Variants in CFAP96 observed in about 807,000 individuals in gnomAD.
CFAP96 encodes the protein cilia and flagella associated protein 96.
chr4:185,443,342 A>ATATATATTTTT, the CFAP96 span, among the ~76,000 whole-genome samples: 530 of 26,710 alleles, frequency 0.02, 42 homozygotes, highest in Non-Finnish European at 0.03. Flanking sequence ...ATATATATAT[A>ATATATATTTTT]TTTTTTTTTT....
the CFAP96 span, among the ~76,000 whole-genome samples, chr4:185,438,312 T>C: frequency 2.6e-4 from 40 of 152,154 alleles, 1 homozygote; most frequent in Non-Finnish European, 5.9e-5. Context: ...TTTTGGTTAG[T>C]TTTTATTGCT....
chr4:185,437,089 C>T, the CFAP96 span, among the ~76,000 whole-genome samples: 1 of 152,098 alleles, frequency 6.6e-6, no homozygotes, highest in African/African-American at 2.4e-5. Context: ...ATCAAGAAGC[C>T]ATTATGATGA....
chr4:185,434,064 C>T, the CFAP96 span, among the ~76,000 whole-genome samples: 2 of 151,684 alleles, frequency 1.3e-5, no homozygotes, highest in East Asian at 3.9e-4. Context: ...ACAAAATATA[C>T]AAAAATTAAG....
At chr4:185,432,072 C>T in the CFAP96 span, 3 of 1,551,518 alleles carry the variant, frequency 1.9e-6, no homozygotes, top group Non-Finnish European at 2.6e-6. Context: ...TATTTTGATC[C>T]CCATTTTGTA....
At chr4:185,440,455 A>G in the CFAP96 span, 1 of 816,002 alleles carries the variant, frequency 1.2e-6, no homozygotes, top group Non-Finnish European at 1.9e-6. Flanking sequence ...AATCATATTT[A>G]TATTAAAATG....
the CFAP96 span, among the ~76,000 whole-genome samples, chr4:185,427,932 C>T: frequency 1.4e-5 from 2 of 139,320 alleles, no homozygotes; most frequent in Admixed American, 7.2e-5. Flanking sequence ...CTAAAAAATA[C>T]AAAGTTAGCT....
At chr4:185,424,110 T>C in the CFAP96 span, among the ~76,000 whole-genome samples, 1 of 147,748 alleles carries the variant, frequency 6.8e-6, no homozygotes, top group Non-Finnish European at 1.5e-5. Flanking sequence ...GAGACCAGAC[T>C]GGGCAACATA....
the CFAP96 span, among the ~76,000 whole-genome samples, chr4:185,447,339 G>C: frequency 1.3e-5 from 2 of 151,692 alleles, no homozygotes; most frequent in Non-Finnish European, 2.9e-5. Flanking sequence ...CCGCCACCAC[G>C]CCCGGCTAAT....
the CFAP96 span, among the ~76,000 whole-genome samples, chr4:185,431,529 G>A: frequency 1.3e-5 from 2 of 152,154 alleles, no homozygotes; most frequent in Non-Finnish European, 2.9e-5. Flanking sequence ...GTCTTTTAGT[G>A]GCCATAGACA....
At chr4:185,425,665 G>A in the CFAP96 span, among the ~76,000 whole-genome samples, 1 of 152,232 alleles carries the variant, frequency 6.6e-6, no homozygotes, top group South Asian at 2.1e-4. Flanking sequence ...CCGAGGCGGG[G>A]TGCACACTTG....
the CFAP96 span, among the ~76,000 whole-genome samples, chr4:185,417,760 C>T: frequency 6.6e-6 from 1 of 151,938 alleles, no homozygotes; most frequent in African/African-American, 2.4e-5. Flanking sequence ...ATCAACAGAA[C>T]CAGCCGGGCG....
At chr4:185,414,597 T>A in the CFAP96 span, among the ~76,000 whole-genome samples, 7 of 152,176 alleles carry the variant, frequency 4.6e-5, no homozygotes, top group Non-Finnish European at 7.4e-5. Flanking sequence ...ACGGTCTAAT[T>A]TGATAGGTTC....
At chr4:185,409,165 G>A in the CFAP96 span, among the ~76,000 whole-genome samples, 1 of 152,012 alleles carries the variant, frequency 6.6e-6, no homozygotes, top group Non-Finnish European at 1.5e-5. Context: ...AACAAATGAA[G>A]GGTCCATATC....
chr4:185,449,637 C>G, the CFAP96 span: 1 of 1,537,504 alleles, frequency 6.5e-7, no homozygotes, highest in African/African-American at 1.4e-5. Context: ...TCAGTACCAT[C>G]CTATTAGCAA....
At chr4:185,429,303 C>T in the CFAP96 span, 2 of 570,134 alleles carry the variant, frequency 3.5e-6, no homozygotes, top group Non-Finnish European at 5.9e-6. Context: ...CTAAACTTTT[C>T]CCCTTTATTT....
the CFAP96 span, among the ~76,000 whole-genome samples, chr4:185,437,222 A>G: frequency 6.6e-6 from 1 of 152,238 alleles, no homozygotes; most frequent in African/African-American, 2.4e-5. Flanking sequence ...AATGGCAGAG[A>G]TAAAAACTAA....
the CFAP96 span, chr4:185,415,461 C>T: frequency 2.1e-6 from 2 of 941,998 alleles, no homozygotes; most frequent in Non-Finnish European, 3.0e-6. Flanking sequence ...ACCAGGTTTG[C>T]TAAAGGAAGT....
the CFAP96 span, among the ~76,000 whole-genome samples, chr4:185,427,127 C>T: frequency 6.6e-6 from 1 of 152,010 alleles, no homozygotes; most frequent in Non-Finnish European, 1.5e-5. Context: ...GCAAGAATTT[C>T]TTCCCTCCCT....
At chr4:185,449,526 A>AC in the CFAP96 span, 1 of 1,077,030 alleles carries the variant, frequency 9.3e-7, no homozygotes, top group Non-Finnish European at 1.3e-6. Context: ...CGGTCTTAAA[A>AC]AAAAAAAAGA....
Sources: gnomAD v4.1 joint callset for allele counts (sites outside exome capture counted in the v4.1 genomes callset) on GRCh38, gnomAD v4.1.1 for gene constraint, MANE v1.5 for transcripts, NCBI Gene and HGNC (gene_info 2026-07-23, HGNC 2026-07-21) for gene names.